The following XKR6 variants were observed in gnomAD, a reference collection of about 807,000 sequenced individuals.
XKR6 encodes XK related 6.
Under a neutral mutation model 56.7 loss-of-function variants are expected in XKR6, and 22 were observed. The observed-to-expected ratio is 0.39, with a 90% CI of 0.28 to 0.55. The LOEUF is 0.55. Ranked by LOEUF, XKR6 falls within the 20% of genes least tolerant of loss-of-function variation. The probability of loss-of-function intolerance (pLI) is 0.66; values close to 1 mark genes in which losing one functional copy is unlikely to be tolerated. For missense variants in XKR6, 852 were observed against 889.0 expected (o/e 0.96, Z 0.53); for synonymous variants, 524 against 387.8 (o/e 1.35, Z -4.13).
chr8:11,065,294 G>A (rs1276808905), intron 1 of XKR6, among the ~76,000 whole-genome samples: 1 of 152,222 alleles, frequency 6.6e-6, no homozygotes, highest in African/African-American at 2.4e-5. Context: ...TGAACCATGA[G>A]AGGAAGTTGT....
intron 1 of XKR6, among the ~76,000 whole-genome samples, chr8:11,116,762 T>C (rs887252768): frequency 1.3e-5 from 2 of 152,134 alleles, no homozygotes; most frequent in Non-Finnish European, 2.9e-5. Context: ...TCTCACAACC[T>C]CATCCATGCC....
chr8:10,997,735 T>C (rs1000414247), intron 1 of XKR6, among the ~76,000 whole-genome samples: 1 of 152,028 alleles, frequency 6.6e-6, no homozygotes, highest in African/African-American at 2.4e-5. Context: ...TGGGTCCAGA[T>C]AATGAAGAAT....
intron 1 of XKR6, among the ~76,000 whole-genome samples, chr8:10,949,190 C>G (rs190012600): frequency 6.6e-6 from 1 of 152,366 alleles, no homozygotes; most frequent in African/African-American, 2.4e-5. Flanking sequence ...CAAATCACCC[C>G]CCTACTCCCG....
chr8:10,903,370 A>G (rs1800096303), intron 2 of XKR6, among the ~76,000 whole-genome samples: 1 of 152,172 alleles, frequency 6.6e-6, no homozygotes, highest in Non-Finnish European at 1.5e-5. Context: ...GGAAGCCAGG[A>G]CAGAAGATGC....
At chr8:10,949,276 G>A (rs1801646085) in intron 1 of XKR6, among the ~76,000 whole-genome samples, 3 of 152,368 alleles carry the variant, frequency 2.0e-5, no homozygotes, top group African/African-American at 7.2e-5. Context: ...GAGTCTTACG[G>A]GCCAGCTTAG....
At chr8:10,930,392 T>G (rs1463519183) in intron 1 of XKR6, among the ~76,000 whole-genome samples, 1 of 152,178 alleles carries the variant, frequency 6.6e-6, no homozygotes, top group Non-Finnish European at 1.5e-5. Context: ...TTGCACCAAC[T>G]GTACACAATC....
intron 1 of XKR6, among the ~76,000 whole-genome samples, chr8:11,039,762 C>G (rs1563362667): frequency 6.6e-6 from 1 of 152,194 alleles, no homozygotes; most frequent in African/African-American, 2.4e-5. Context: ...TATGCACCTG[C>G]AAATGAATAA....
intron 1 of XKR6, among the ~76,000 whole-genome samples, chr8:10,946,119 A>G (rs1016226287): frequency 1.2e-4 from 18 of 151,838 alleles, no homozygotes; most frequent in African/African-American, 4.4e-4. Flanking sequence ...AGACCTCCTG[A>G]CCACACACAC....
rs559383444 is a variant in XKR6 at position 11,121,892 on chromosome 8, G to A, written c.764+78684C>T. Among the ~76,000 whole-genome samples, 114 of 152,258 alleles carry A rather than the reference G, an allele frequency of 7.5e-4. 2 individuals are homozygous for A. Among genetic ancestry groups the A allele is most frequent in the Middle Eastern group, 6.8e-3 (2 of 294 alleles). ...GAGTTCATGTCCTTTGTAGGGACGT[G>A]GATGAAGCTGGAAACCATCATTCTC... On this transcript the variant is annotated intron_variant, in intron 1 of 2. Coordinates refer to ENST00000416569, the MANE Select transcript of XKR6 (RefSeq NM_173683.4).
At chr8:11,170,365 A>T (rs916335346) in intron 1 of XKR6, among the ~76,000 whole-genome samples, 3 of 152,266 alleles carry the variant, frequency 2.0e-5, no homozygotes, top group Non-Finnish European at 2.9e-5. Context: ...AATATTAGTC[A>T]GTCATAAAAA....
At chr8:11,199,884 T>G (rs1804105931) in intron 1 of XKR6, among the ~76,000 whole-genome samples, 1 of 151,848 alleles carries the variant, frequency 6.6e-6, no homozygotes, top group Non-Finnish European at 1.5e-5. Context: ...TTTCTGGAGG[T>G]GAGAGTTAAC....
In XKR6 at chr8:11,040,867, G is replaced by GTC. The variant is rs893145478; in HGVS notation, c.765-116039_765-116038dup. 3.9e-5 allele frequency among the ~76,000 whole-genome samples: 6 copies of GTC among 152,260 alleles called. No individual in the cohort carries two copies. The East Asian group carries it at 1.2e-3, about 29-fold the overall frequency. ...GTAAAACAGAATCATTGCTTGTAGC[G>GTC]TCTCTCTCACAGGGGCAACTCAGGG... On this transcript the variant is annotated intron_variant, in intron 1 of 2. Coordinates refer to ENST00000416569, the MANE Select transcript of XKR6 (RefSeq NM_173683.4).
At chr8:11,103,954 G>T (rs554184790) in intron 1 of XKR6, among the ~76,000 whole-genome samples, 1 of 152,162 alleles carries the variant, frequency 6.6e-6, no homozygotes, top group Non-Finnish European at 1.5e-5. Context: ...GACAGCTGTC[G>T]TACCCTTGGG....
intron 1 of XKR6, among the ~76,000 whole-genome samples, chr8:10,992,934 G>T (rs945350769): frequency 6.6e-6 from 1 of 152,220 alleles, no homozygotes; most frequent in African/African-American, 2.4e-5. Context: ...AACTACCTGA[G>T]AAGGTCATAG....
At chr8:11,030,137 C>T (rs896994141) in intron 1 of XKR6, among the ~76,000 whole-genome samples, 1 of 152,208 alleles carries the variant, frequency 6.6e-6, no homozygotes, top group Non-Finnish European at 1.5e-5. Context: ...GCACAGATCC[C>T]TGCTTTGGCT....
chr8:11,087,136 C>T (rs1797917095), intron 1 of XKR6, among the ~76,000 whole-genome samples: 1 of 152,228 alleles, frequency 6.6e-6, no homozygotes, highest in South Asian at 2.1e-4. Context: ...TACAAGTCTT[C>T]CTCTATAGCT....
At chr8:10,932,100 G>A (rs1023129327) in intron 1 of XKR6, among the ~76,000 whole-genome samples, 12 of 152,144 alleles carry the variant, frequency 7.9e-5, no homozygotes, top group African/African-American at 2.4e-4. Context: ...GGAGCTCAAC[G>A]TTACAAGTAA....
At chr8:11,126,623 G>A (rs559006435) in intron 1 of XKR6, among the ~76,000 whole-genome samples, 106 of 152,264 alleles carry the variant, frequency 7.0e-4, no homozygotes, top group Middle Eastern at 3.4e-3. Context: ...TTCTAGAATT[G>A]TAGTCACCTG....
At chr8:11,166,939 C>T (rs1377625807) in intron 1 of XKR6, among the ~76,000 whole-genome samples, 1 of 152,098 alleles carries the variant, frequency 6.6e-6, no homozygotes, top group African/African-American at 2.4e-5. Flanking sequence ...ACCAAAAATA[C>T]AACAGAAATT....
Sources: gnomAD v4.1 joint callset for allele counts (sites outside exome capture counted in the v4.1 genomes callset) on GRCh38, gnomAD v4.1.1 for gene constraint, MANE v1.5 for transcripts, NCBI Gene and HGNC (gene_info 2026-07-23, HGNC 2026-07-21) for gene names.